Variants in MATCAP2 observed in about 807,000 individuals in gnomAD.
The protein encoded by MATCAP2 is microtubule associated tyrosine carboxypeptidase 2, also known as putative tyrosine carboxypeptidase MATCAP2.
chr7:36,333,791 A>T, the MATCAP2 span: 4 of 1,325,770 alleles, frequency 3.0e-6, no homozygotes, highest in Non-Finnish European at 4.1e-6. Context: ...AGGGATTAGG[A>T]TATAAACAAA....
chr7:36,354,334 C>T, the MATCAP2 span, among the ~76,000 whole-genome samples: 102 of 152,350 alleles, frequency 6.7e-4, no homozygotes, highest in Admixed American at 4.4e-3. Flanking sequence ...AGCACTGCCT[C>T]GGTTCCACTG....
the MATCAP2 span, among the ~76,000 whole-genome samples, chr7:36,348,271 G>A: frequency 6.6e-6 from 1 of 152,142 alleles, no homozygotes; most frequent in South Asian, 2.1e-4. Flanking sequence ...ATAAAGATTT[G>A]TGATTACTCA....
At chr7:36,326,721 G>T in the MATCAP2 span, 19 of 1,563,472 alleles carry the variant, frequency 1.2e-5, no homozygotes, top group African/African-American at 2.6e-4. Context: ...TAATATACAT[G>T]GAGGCATAGC....
the MATCAP2 span, chr7:36,389,878 G>A: frequency 2.0e-5 from 28 of 1,412,254 alleles, no homozygotes; most frequent in South Asian, 1.5e-4. Context: ...GTCACTGGAA[G>A]CCGAGAGGAG....
chr7:36,381,746 C>G, the MATCAP2 span, among the ~76,000 whole-genome samples: 1 of 151,432 alleles, frequency 6.6e-6, no homozygotes, highest in Non-Finnish European at 1.5e-5. Context: ...TTCTTGAGGG[C>G]CTATTAAGTG....
chr7:36,350,125 T>C, the MATCAP2 span, among the ~76,000 whole-genome samples: 3 of 152,216 alleles, frequency 2.0e-5, no homozygotes. Context: ...TCTACAAAGA[T>C]AAAATAATAT....
chr7:36,375,867 T>C, the MATCAP2 span, among the ~76,000 whole-genome samples: 2 of 152,274 alleles, frequency 1.3e-5, no homozygotes, highest in African/African-American at 4.8e-5. Context: ...TTTTCTAGTT[T>C]ACTTGCGTAG....
At chr7:36,382,173 G>A in the MATCAP2 span, among the ~76,000 whole-genome samples, 1 of 151,562 alleles carries the variant, frequency 6.6e-6, no homozygotes, top group African/African-American at 2.4e-5. Flanking sequence ...CGGGCATGGT[G>A]GTGGGTGCCT....
the MATCAP2 span, among the ~76,000 whole-genome samples, chr7:36,379,813 TACACACACACACACACAC>T: frequency 3.2e-5 from 4 of 124,248 alleles, no homozygotes; most frequent in Admixed American, 8.4e-5. Context: ...CAATGGTAAG[TACACACACACACACACAC>T]ACACACACAC....
At chr7:36,371,141 T>C in the MATCAP2 span, among the ~76,000 whole-genome samples, 1 of 152,200 alleles carries the variant, frequency 6.6e-6, no homozygotes, top group South Asian at 2.1e-4. Flanking sequence ...GGTCTCACTC[T>C]GTTGCCCAGG....
At chr7:36,388,747 T>C in the MATCAP2 span, among the ~76,000 whole-genome samples, 1 of 152,194 alleles carries the variant, frequency 6.6e-6, no homozygotes, top group African/African-American at 2.4e-5. Context: ...TTCATTTCTT[T>C]GGACCAGTTT....
chr7:36,380,310 C>T, the MATCAP2 span, among the ~76,000 whole-genome samples: 1 of 151,998 alleles, frequency 6.6e-6, no homozygotes, highest in African/African-American at 2.4e-5. Flanking sequence ...AGAGAGTAAA[C>T]GGGTGGGATG....
the MATCAP2 span, chr7:36,383,974 A>G: frequency 3.2e-4 from 314 of 993,736 alleles, no homozygotes; most frequent in Non-Finnish European, 4.2e-4. Flanking sequence ...TTTGTGAATT[A>G]AGTATAAATA....
chr7:36,370,364 A>G, the MATCAP2 span, among the ~76,000 whole-genome samples: 8 of 152,222 alleles, frequency 5.3e-5, no homozygotes, highest in Non-Finnish European at 1.2e-4. Flanking sequence ...TATATTAACC[A>G]TTAATATTGA....
chr7:36,340,904 A>G, the MATCAP2 span, among the ~76,000 whole-genome samples: 1 of 152,216 alleles, frequency 6.6e-6, no homozygotes, highest in African/African-American at 2.4e-5. Context: ...TCTAATCCCA[A>G]TTTTGGAAAA....
the MATCAP2 span, chr7:36,390,248 A>G: frequency 2.6e-6 from 2 of 761,158 alleles, no homozygotes; most frequent in Middle Eastern, 3.8e-4. Flanking sequence ...TCGGTCCTAC[A>G]GATAAAACTC....
chr7:36,339,945 G>A, the MATCAP2 span, among the ~76,000 whole-genome samples: 11 of 152,260 alleles, frequency 7.2e-5, no homozygotes, highest in South Asian at 2.3e-3. Flanking sequence ...TGTTGCCCAG[G>A]CTGTTCTCAA....
At chr7:36,361,778 G>C in the MATCAP2 span, among the ~76,000 whole-genome samples, 1 of 152,152 alleles carries the variant, frequency 6.6e-6, no homozygotes, top group African/African-American at 2.4e-5. Flanking sequence ...AGTATCAACA[G>C]TAGAAAGGAT....
At chr7:36,352,396 T>TAAAA in the MATCAP2 span, among the ~76,000 whole-genome samples, 6 of 106,182 alleles carry the variant, frequency 5.7e-5, no homozygotes, top group East Asian at 2.8e-4. Context: ...GACTCCATCT[T>TAAAA]AAAAAAAAAA....
Sources: allele counts gnomAD v4.1 joint callset (sites outside exome capture counted in the v4.1 genomes callset), GRCh38; gene constraint gnomAD v4.1.1; transcripts MANE v1.5; gene names NCBI Gene and HGNC (gene_info 2026-07-23, HGNC 2026-07-21).